Variants in NIBAN1 observed in about 807,000 individuals in gnomAD.
NIBAN1 encodes protein Niban 1.
A neutral mutation model predicts 75.1 loss-of-function variants in NIBAN1; 81 were observed. The observed-to-expected ratio is 1.08, with a 90% CI of 0.90 to 1.30. The LOEUF (loss-of-function observed/expected upper bound fraction) is 1.30, where lower values mean the gene tolerates loss of function less well. Among genes scored for constraint, NIBAN1 ranks in the 50% most tolerant of loss-of-function variants. NIBAN1 has a pLI of 0.00. For synonymous variants in NIBAN1, 436 were observed against 424.8 expected, an observed-to-expected ratio of 1.03 and a Z score of -0.32; for missense variants, 1,133 against 1,128.1, an observed-to-expected ratio of 1.00 and a Z score of -0.06.
chr1:184,795,018 C>CT lies in NIBAN1; in HGVS notation c.2745dup (p.Gly916ArgfsTer47). 6.2e-7 allele frequency: 1 copy of CT among 1,612,888 alleles called. No individual in the cohort carries two copies. Among genetic ancestry groups the CT allele is most frequent in the East Asian group, 2.2e-5 (1 of 44,896 alleles). On this transcript the variant is annotated frameshift_variant, in exon 14 of 14. Transcript: ENST00000367511. LOFTEE classifies it high-confidence loss of function. ...AGCTCTGGGAAACTCTCCTGACCAC[C>CT]TTCTCCCTCCTTCACGTCATCTTTG...
rs1019355779 is a variant in NIBAN1, at chr1:184,974,460, A to G, written c.-104T>C. ...CGAACCCGGCTCTGAAATTAAGAGC[A>G]AACTTCCTTCGAGAGGCGAGAGACA... On this transcript the variant is annotated 5_prime_UTR_variant, in exon 1 of 14. Transcript: ENST00000367511. 29 of 1,422,124 alleles carry G rather than the reference A, an allele frequency of 2.0e-5. No homozygotes were observed. The Admixed American group carries it at 2.0e-4, about 10-fold the overall frequency. 88.1% of individuals were successfully genotyped at this position (1,422,124 alleles called of 1,614,324 possible).
chr1:184,903,982 C>T (rs990623618), intron 1 of NIBAN1, among the ~76,000 whole-genome samples: 37 of 151,786 alleles, frequency 2.4e-4, no homozygotes, highest in Middle Eastern at 3.2e-3. Context: ...CTGCAACCTC[C>T]GCCTCCCAGG....
intron 6 of NIBAN1, among the ~76,000 whole-genome samples, chr1:184,831,320 C>T (rs1654993812): frequency 2.6e-5 from 4 of 152,268 alleles, no homozygotes; most frequent in South Asian, 4.1e-4. Flanking sequence ...ACTTCATTTA[C>T]ATATAATTCA....
intron 1 of NIBAN1, among the ~76,000 whole-genome samples, chr1:184,938,832 T>C (rs944986577): frequency 1.3e-5 from 2 of 152,246 alleles, no homozygotes; most frequent in African/African-American, 4.8e-5. Context: ...AGTAAGATTA[T>C]ATTTATTATA....
intron 12 of NIBAN1, among the ~76,000 whole-genome samples, chr1:184,802,789 T>C (rs925026241): frequency 6.6e-6 from 1 of 152,210 alleles, no homozygotes; most frequent in Non-Finnish European, 1.5e-5. Flanking sequence ...TTTTGAAATG[T>C]AGAAGTAGTA....
chr1:184,817,307 A>G (rs1020629616), intron 9 of NIBAN1, among the ~76,000 whole-genome samples: 12 of 152,164 alleles, frequency 7.9e-5, no homozygotes, highest in African/African-American at 2.7e-4. Flanking sequence ...AGTCTTTGCT[A>G]TTGTGAATAG....
chr1:184,915,234 C>T (rs189101593), intron 1 of NIBAN1, among the ~76,000 whole-genome samples: 16 of 152,310 alleles, frequency 1.1e-4, no homozygotes, highest in Admixed American at 8.5e-4. Context: ...CAATCAGAAT[C>T]TATATGAGGG....
chr1:184,904,341 T>G (rs1387017277), intron 1 of NIBAN1, among the ~76,000 whole-genome samples: 1 of 152,188 alleles, frequency 6.6e-6, no homozygotes, highest in East Asian at 1.9e-4. Context: ...ATTTTTTTTC[T>G]TTATAAATTA....
chr1:184,958,236 G>A (rs904377587), intron 1 of NIBAN1, among the ~76,000 whole-genome samples: 1 of 152,030 alleles, frequency 6.6e-6, no homozygotes, highest in Non-Finnish European at 1.5e-5. Flanking sequence ...ATAGCCAACT[G>A]TGGTGGTAGG....
chr1:184,828,405 A>G (rs79120637), intron 6 of NIBAN1, among the ~76,000 whole-genome samples: 3,861 of 152,268 alleles, frequency 0.025, 126 homozygotes, highest in African/African-American at 0.077. Context: ...TAAACCCAGC[A>G]CTTTAAACAA....
chr1:184,910,660 T>C (rs929397702), intron 1 of NIBAN1, among the ~76,000 whole-genome samples: 3 of 152,164 alleles, frequency 2.0e-5, no homozygotes, highest in Admixed American at 2.0e-4. Context: ...AAAAGATGTT[T>C]TGATGATTAA....
chr1:184,884,608 G>A (rs1237703422), intron 5 of NIBAN1, 25 bp downstream of exon 5: 3 of 1,611,962 alleles, frequency 1.9e-6, no homozygotes, highest in East Asian at 2.2e-5. Context: ...CCCGCCCCGG[G>A]GATGAGAGGG....
At chr1:184,949,693 C>G (rs1324629433) in intron 1 of NIBAN1, among the ~76,000 whole-genome samples, 1 of 152,174 alleles carries the variant, frequency 6.6e-6, no homozygotes, top group Non-Finnish European at 1.5e-5. Flanking sequence ...ACTGCACTTC[C>G]CTTTGAAAGC....
chr1:184,893,204 A>G (rs1468699046), intron 3 of NIBAN1, among the ~76,000 whole-genome samples: 1 of 152,196 alleles, frequency 6.6e-6, no homozygotes, highest in Non-Finnish European at 1.5e-5. Flanking sequence ...TGTGTACAGT[A>G]TGAGATCTGG....
intron 5 of NIBAN1, among the ~76,000 whole-genome samples, chr1:184,834,846 C>G (rs1655096080): frequency 6.6e-6 from 1 of 152,158 alleles, no homozygotes; most frequent in Non-Finnish European, 1.5e-5. Context: ...TGTGCAGAAG[C>G]TCTTTAGTTT....
chr1:184,837,854 C>A (rs1655179937), intron 5 of NIBAN1, among the ~76,000 whole-genome samples: 1 of 152,150 alleles, frequency 6.6e-6, no homozygotes, highest in Non-Finnish European at 1.5e-5. Context: ...CAGTAATCAG[C>A]TGAATATCCT....
At chr1:184,867,029 A>G (rs1655974365) in intron 5 of NIBAN1, among the ~76,000 whole-genome samples, 1 of 152,206 alleles carries the variant, frequency 6.6e-6, no homozygotes, top group African/African-American at 2.4e-5. Flanking sequence ...CAAATACTAA[A>G]TATGATGACT....
intron 8 of NIBAN1, among the ~76,000 whole-genome samples, chr1:184,819,458 T>A (rs756672410): frequency 1.3e-5 from 2 of 152,176 alleles, no homozygotes; most frequent in Non-Finnish European, 2.9e-5. Context: ...CGAAGAAGAA[T>A]GAAAAAATGC....
At chr1:184,891,998 T>A (rs1656678836) in intron 3 of NIBAN1, among the ~76,000 whole-genome samples, 1 of 152,150 alleles carries the variant, frequency 6.6e-6, no homozygotes, top group African/African-American at 2.4e-5. Context: ...GAAAAAGCAG[T>A]GCAATGTACA....
Sources: gnomAD v4.1 joint callset for allele counts (sites outside exome capture counted in the v4.1 genomes callset) on GRCh38, gnomAD v4.1.1 for gene constraint, MANE v1.5 for transcripts, NCBI Gene and HGNC (gene_info 2026-07-23, HGNC 2026-07-21) for gene names.